The following SLC14A2 variants were observed in gnomAD, a reference collection of about 807,000 sequenced individuals.
The protein encoded by SLC14A2 is urea transporter 2.
Under a neutral mutation model 104.6 loss-of-function variants are expected in SLC14A2, and 91 were observed. The observed-to-expected ratio is 0.87, with a 90% confidence interval of 0.73 to 1.04. The LOEUF (loss-of-function observed/expected upper bound fraction) is 1.04. Ranked by LOEUF, SLC14A2 falls within the 50% of genes least tolerant of loss-of-function variation. The probability of loss-of-function intolerance (pLI) is 0.00; values close to 1 mark genes in which losing one functional copy is unlikely to be tolerated. For missense variants in SLC14A2, 1,189 were observed against 1,156.0 expected (o/e 1.03, Z -0.41); for synonymous variants, 476 against 466.4 (o/e 1.02, Z -0.27).
intron 1 of SLC14A2, among the ~76,000 whole-genome samples, chr18:45,220,736 T>C (rs990354745): frequency 6.6e-6 from 1 of 152,244 alleles, no homozygotes; most frequent in African/African-American, 2.4e-5. Context: ...GGATATGTAT[T>C]AATTTGCTAG....
At chr18:45,266,384 T>G (rs1266342998) in intron 1 of SLC14A2, among the ~76,000 whole-genome samples, 1 of 152,062 alleles carries the variant, frequency 6.6e-6, no homozygotes, top group Non-Finnish European at 1.5e-5. Context: ...GGGCAGGAGG[T>G]CTTGGCCATG....
intron 1 of SLC14A2, among the ~76,000 whole-genome samples, chr18:45,425,309 C>T (rs1048943786): frequency 2.0e-5 from 3 of 152,230 alleles, no homozygotes; most frequent in African/African-American, 7.2e-5. Flanking sequence ...GTTAATTCTA[C>T]ATGGCATGGC....
chr18:45,440,203 GA>G (rs2086660989), intron 1 of SLC14A2, among the ~76,000 whole-genome samples: 3 of 147,114 alleles, frequency 2.0e-5, no homozygotes, highest in African/African-American at 7.5e-5. Context: ...CTGTTTCAGA[GA>G]AATCATTTTT....
the SLC14A2 span, among the ~76,000 whole-genome samples, chr18:45,190,381 A>T: frequency 1.3e-5 from 2 of 152,276 alleles, no homozygotes; most frequent in Admixed American, 6.5e-5. Context: ...ACACATTTAC[A>T]AATCCTGCTT....
Position 45,624,816 on chromosome 18 carries a change from T to C in SLC14A2, c.150+2T>C. 1 of 1,609,766 alleles carries C rather than the reference T, an allele frequency of 6.2e-7. No homozygotes were observed. Among genetic ancestry groups the C allele is most frequent in the Non-Finnish European group, 8.5e-7 (1 of 1,177,956 alleles). ...CTCCTGGAAATGCCTGAAGAAAAGG[T>C]GAGAAGTGTCCCTCCTAGGATGTTT... is the stretch of plus-strand genomic sequence containing the variant. On this transcript the variant is annotated splice_donor_variant, in intron 2 of 19. Transcript: ENST00000255226. LOFTEE classifies it high-confidence loss of function.
At chr18:45,239,322 C>A (rs1002617192) in intron 1 of SLC14A2, among the ~76,000 whole-genome samples, 2 of 152,216 alleles carry the variant, frequency 1.3e-5, no homozygotes, top group Non-Finnish European at 2.9e-5. Flanking sequence ...TGTATTAGAG[C>A]TGATCTAGGG....
At chr18:45,663,210 C>T (rs1429433938) in intron 10 of SLC14A2, among the ~76,000 whole-genome samples, 2 of 152,202 alleles carry the variant, frequency 1.3e-5, no homozygotes, top group Non-Finnish European at 1.5e-5. Flanking sequence ...CTAACAAGCT[C>T]CCAGGCAGAT....
chr18:45,224,666 A>C lies in SLC14A2; in HGVS notation c.-125+11475A>C, dbSNP rs755792409. 9.2e-5 allele frequency among the ~76,000 whole-genome samples: 14 copies of C among 152,336 alleles called. No homozygotes were observed. In the South Asian group the frequency reaches 2.5e-3, roughly 27 times the overall value. ...GCATTGTATGTTCATTATCTCATTTAGTATTTATATGAGCATAGAACACTG... is the reference window on the plus strand; with the variant it reads ...GCATTGTATGTTCATTATCTCATTTCGTATTTATATGAGCATAGAACACTG... On this transcript the variant is annotated intron_variant, in intron 1 of 20. Transcript: ENST00000586448.
intron 1 of SLC14A2, among the ~76,000 whole-genome samples, chr18:45,370,616 C>A (rs1390956668): frequency 6.6e-6 from 1 of 152,030 alleles, no homozygotes; most frequent in African/African-American, 2.4e-5. Flanking sequence ...TGCAGGTTTG[C>A]AAAATAGCAG....
chr18:45,575,243 C>T (rs963879249), intron 2 of SLC14A2, among the ~76,000 whole-genome samples: 5 of 152,122 alleles, frequency 3.3e-5, no homozygotes, highest in African/African-American at 1.2e-4. Context: ...TACAGTGAGT[C>T]TGGATTTCAC....
intron 1 of SLC14A2, among the ~76,000 whole-genome samples, chr18:45,296,815 C>CTGT (rs144520512): frequency 7.2e-5 from 11 of 152,048 alleles, no homozygotes; most frequent in Non-Finnish European, 1.0e-4. Flanking sequence ...TGTATTTTTC[C>CTGT]CAGGGTAGCC....
In SLC14A2 at chr18:45,406,971, C is replaced by T. The variant is rs2086162026; in HGVS notation, c.-124-76262C>T. Among the ~76,000 whole-genome samples the T allele has an allele frequency of 2.6e-5, 4 of 152,246 alleles. No individual in the cohort carries two copies. The South Asian group carries it at 8.3e-4, about 32-fold the overall frequency. ...TGATTTAGCATAATTCTTAAGGGCC[C>T]TGGGATTTTCACAGTGGTAAATGAG... On this transcript the variant is annotated intron_variant, in intron 1 of 20. Transcript: ENST00000586448.
intron 1 of SLC14A2, among the ~76,000 whole-genome samples, chr18:45,441,616 C>T (rs12457768): frequency 0.26 from 39,448 of 152,092 alleles, 6,238 homozygotes; most frequent in Non-Finnish European, 0.36. Flanking sequence ...TGCATGCACA[C>T]GTGCACGCAT....
chr18:45,649,231 T>C (rs1266103816), intron 10 of SLC14A2, among the ~76,000 whole-genome samples: 4 of 152,106 alleles, frequency 2.6e-5, no homozygotes, highest in Admixed American at 2.6e-4. Flanking sequence ...AAAAACAAGA[T>C]GAAAAATACT....
At chr18:45,610,577 G>C (rs1180169703), upstream of SLC14A2, among the ~76,000 whole-genome samples, 1 of 152,182 alleles carries the variant, frequency 6.6e-6, no homozygotes, top group East Asian at 1.9e-4. Flanking sequence ...TGAAAGGGAA[G>C]GGGAAGGCAT....
intron 2 of SLC14A2, among the ~76,000 whole-genome samples, chr18:45,549,138 A>G (rs531049858): frequency 1.3e-5 from 2 of 152,244 alleles, no homozygotes; most frequent in Non-Finnish European, 2.9e-5. Context: ...TAAAATGGAC[A>G]AAGGACTGGC....
At chr18:45,311,717 C>T (rs944281949) in intron 1 of SLC14A2, among the ~76,000 whole-genome samples, 22 of 152,308 alleles carry the variant, frequency 1.4e-4, no homozygotes, top group African/African-American at 5.3e-4. Context: ...CTGTTGGTAG[C>T]CACTTGGGTT....
intron 1 of SLC14A2, among the ~76,000 whole-genome samples, chr18:45,376,199 C>T (rs538140985): frequency 3.9e-5 from 6 of 152,312 alleles, no homozygotes; most frequent in Non-Finnish European, 8.8e-5. Context: ...TCTTCCTGCT[C>T]TAGTTTGTGC....
chr18:45,461,120 C>T (rs1204424054), intron 1 of SLC14A2, among the ~76,000 whole-genome samples: 2 of 152,150 alleles, frequency 1.3e-5, no homozygotes, highest in African/African-American at 2.4e-5. Context: ...CAATTTGCCC[C>T]TATTTTCTAT....
Sources: gnomAD v4.1 joint callset for allele counts (sites outside exome capture counted in the v4.1 genomes callset) on GRCh38, gnomAD v4.1.1 for gene constraint, MANE v1.5 for transcripts, NCBI Gene and HGNC (gene_info 2026-07-23, HGNC 2026-07-21) for gene names.